Variants in TRIM56 observed in about 807,000 individuals in gnomAD.
TRIM56 encodes tripartite motif containing 56.
In TRIM56, 10 loss-of-function variants were observed where a neutral mutation model predicts 17.1. The observed-to-expected ratio is 0.58, with a 90% confidence interval of 0.36 to 0.99. The LOEUF (loss-of-function observed/expected upper bound fraction) is 0.99, where lower values mean the gene tolerates loss of function less well. TRIM56 is among the 50% of genes least tolerant of loss of function. The pLI is 0.01. For missense variants in TRIM56, 923 were observed against 1,052.3 expected, an observed-to-expected ratio of 0.88 and a Z score of 1.70; for synonymous variants, 503 against 473.5, an observed-to-expected ratio of 1.06 and a Z score of -0.81.
Position 101,088,780 on chromosome 7 carries a change from A to C in TRIM56, c.1468A>C (p.Arg490=), listed in dbSNP as rs748280752. 1.7e-5 allele frequency: 27 copies of C among 1,613,912 alleles called. 1 individual carries two copies. The Middle Eastern group carries it at 1.5e-3, about 89-fold the overall frequency. The change falls in exon 3 of 3, where the codon AGA becomes CGA. Residue 490 remains arginine (R), a synonymous_variant. Transcript: ENST00000306085. ...PNLDGSGLLP[R]PIFYCSFPTR... ...TCTGGACGGCTCTGGCCTCCTCCCC[A>C]GACCCATCTTTTACTGCAGTTTCCC... is the stretch of plus-strand genomic sequence containing the variant.
rs1161136642 is a variant in TRIM56, at chr7:101,094,795, T to C, written c.*5215T>C. Reference sequence around the variant, plus strand: ...CAAGTGGAGTTTCTACAGGACCAACTAGAATAGGGATCAGCTACATGGGGG... The same window carrying C: ...CAAGTGGAGTTTCTACAGGACCAACCAGAATAGGGATCAGCTACATGGGGG... On this transcript the variant is annotated 3_prime_UTR_variant, in exon 3 of 3. Transcript: ENST00000306085. The C allele has an allele frequency of 1.2e-4, 13 of 107,364 alleles. No individual in the cohort carries two copies. The highest frequency in any genetic ancestry group is 4.8e-4 in the African/African-American group (13 of 27,232). The allele number at this position is 107,364 out of a possible 1,614,324, so 6.7% of individuals were successfully genotyped here.
Position 101,087,669 on chromosome 7 carries a change from G to A in TRIM56, c.357G>A (p.Arg119=), listed in dbSNP as rs750639886. 1 of 1,601,220 alleles carries A rather than the reference G, an allele frequency of 6.2e-7. No individual in the cohort carries two copies. The highest frequency in any genetic ancestry group is 1.7e-5 in the Admixed American group (1 of 58,628). ...GTSTGGPATA[R]CLDCADDLCQ... ...GCACCGGGGGGCCGGCCACGGCCCGGTGCCTGGACTGTGCCGATGACTTGT... is the reference window on the plus strand; with the variant it reads ...GCACCGGGGGGCCGGCCACGGCCCGATGCCTGGACTGTGCCGATGACTTGT... Residue 119 remains arginine (R), a synonymous_variant, in exon 3 of 3, where the codon CGG becomes CGA. Coordinates refer to ENST00000306085, the MANE Select transcript of TRIM56 (RefSeq NM_030961.3).
chr7:101,088,061 G>A lies in TRIM56; in HGVS notation c.749G>A (p.Arg250Gln), dbSNP rs1218553368. Residue 250 changes from arginine to glutamine, a missense_variant, in exon 3 of 3, where the codon CGG (arginine) becomes CAG (glutamine). Coordinates refer to ENST00000306085, the MANE Select transcript of TRIM56 (RefSeq NM_030961.3). ...GCCCGGCTGCGGGAGCAGGCGGCCC[G>A]GGTGGGGACTCAGGTGGAGGAGGCG... is the stretch of plus-strand genomic sequence containing the variant. ...ALARLREQAA[R>Q]VGTQVEEAAE... 6 of 1,529,636 alleles carry A rather than the reference G, an allele frequency of 3.9e-6. No homozygotes were observed. Among genetic ancestry groups the A allele is most frequent in the Admixed American group, 2.0e-5 (1 of 50,746 alleles). The allele number at this position is 1,529,636 out of a possible 1,614,324, so 94.8% of individuals were successfully genotyped here.
In TRIM56 at chr7:101,097,816, T is replaced by G. The variant is rs1224972503; in HGVS notation, c.*8236T>G. 1.3e-5 allele frequency: 2 copies of G among 152,206 alleles called. No homozygotes were observed. Among genetic ancestry groups the G allele is most frequent in the East Asian group, 3.9e-4 (2 of 5,190 alleles). The allele number at this position is 152,206 out of a possible 1,614,324, so 9.4% of individuals were successfully genotyped here. On this transcript the variant is annotated 3_prime_UTR_variant, in exon 3 of 3. Transcript: ENST00000306085. ...CTACATTGCCATGGGCTAAACCCAG[T>G]GTGCTGTAAACTCTTCAGTTCCTTT...
At position 101,091,500 on chromosome 7, in the gene TRIM56, G is replaced by A. The variant is rs1480981687; in HGVS notation, c.*1920G>A. 1 of 281,146 alleles carries A rather than the reference G, an allele frequency of 3.6e-6. No homozygotes were observed. Among genetic ancestry groups the A allele is most frequent in the African/African-American group, 2.3e-5 (1 of 43,038 alleles). 17.4% of individuals were successfully genotyped at this position (281,146 alleles called of 1,614,324 possible). A position where few individuals can be genotyped will look rare whatever the true frequency, so the allele number is the denominator to read the frequency against. ...CCAGCACTCTGGGAGGCTGGGGTGG[G>A]TGGATCACTCAAGGTCAGGAGTTCG... On this transcript the variant is annotated 3_prime_UTR_variant, in exon 3 of 3. Coordinates refer to ENST00000306085, the MANE Select transcript of TRIM56 (RefSeq NM_030961.3).
chr7:101,086,650 G>A (rs1795454021), intron 1 of TRIM56: 1 of 152,440 alleles, frequency 6.6e-6, no homozygotes, highest in Non-Finnish European at 1.5e-5. Context: ...AGGAGTTTGA[G>A]GCTGCAGTGA....
At position 101,088,292 on chromosome 7, in the gene TRIM56, C is replaced by T. The variant is rs759218781; in HGVS notation, c.980C>T (p.Ala327Val). Residue 327 changes from alanine (A) to valine (V), a missense_variant, in exon 3 of 3, where the codon GCG (alanine) becomes GTG (valine). Around this residue, in one of 3 missense-constraint regions of TRIM56, gnomAD observed 643 missense variants for 665.6 expected, o/e 0.97. Coordinates refer to ENST00000306085, the MANE Select transcript of TRIM56 (RefSeq NM_030961.3). ...REAEILSLEG[A>V]IAQRLRQLQG... ...GCCGAGATCCTCTCCCTGGAAGGGG[C>T]GATCGCACAGCGGCTCAGGCAGCTG... is the stretch of plus-strand genomic sequence containing the variant. 5.9e-6 allele frequency: 9 copies of T among 1,522,236 alleles called. No individual in the cohort carries two copies. Among genetic ancestry groups the T allele is most frequent in the East Asian group, 4.6e-5 (2 of 43,780 alleles). The allele number at this position is 1,522,236 out of a possible 1,614,324, so 94.3% of individuals were successfully genotyped here.
Position 101,094,272 on chromosome 7 carries a change from A to G in TRIM56, c.*4692A>G, listed in dbSNP as rs2116544288. 6.6e-6 allele frequency: 1 copy of G among 152,356 alleles called. No individual in the cohort carries two copies. Among genetic ancestry groups the G allele is most frequent in the East Asian group, 1.9e-4 (1 of 5,192 alleles). 9.4% of individuals were successfully genotyped at this position (152,356 alleles called of 1,614,324 possible). On this transcript the variant is annotated 3_prime_UTR_variant, in exon 3 of 3. Coordinates refer to ENST00000306085, the MANE Select transcript of TRIM56 (RefSeq NM_030961.3). ...ATTATGATCAAATAGTGATAGTAAC[A>G]AGGAAAACATCTGTCTAAATAATTA...
chr7:101,089,756 G>T lies in TRIM56; in HGVS notation c.*176G>T, dbSNP rs1156713513. ...CTAGTGTGTGAGAATAGGGACCAAG[G>T]TGGTGGCGTGACCTTAACTCTCAGA... On this transcript the variant is annotated 3_prime_UTR_variant, in exon 3 of 3. Transcript: ENST00000306085. 1 of 607,654 alleles carries T rather than the reference G, an allele frequency of 1.6e-6. No individual in the cohort carries two copies. The highest frequency in any genetic ancestry group is 2.9e-5 in the East Asian group (1 of 34,582). 37.6% of individuals were successfully genotyped at this position (607,654 alleles called of 1,614,324 possible). A position where few individuals can be genotyped will look rare whatever the true frequency, so the allele number is the denominator to read the frequency against.
chr7:101,086,107 GACAGGTGT>G (rs1795444605), intron 1 of TRIM56, among the ~76,000 whole-genome samples: 1 of 152,210 alleles, frequency 6.6e-6, no homozygotes, highest in Non-Finnish European at 1.5e-5. Context: ...TCTAGCAGAA[GACAGGTGT>G]AAGGCCAGGC....
In TRIM56 at chr7:101,087,719, G is replaced by A. The variant is rs1414315381; in HGVS notation, c.407G>A (p.Arg136His). ...DLCQACADGH[R>H]CTRQTHTHRV... ...TGCCAGGCCTGTGCCGACGGGCACC[G>A]CTGCACCCGCCAGACCCACACCCAC... Residue 136 changes from arginine (R) to histidine (H), a missense_variant, in exon 3 of 3, where the codon CGC becomes CAC. Physicochemically the swap from Arg to His is conservative, Grantham distance 29 (BLOSUM62 0). Around this residue, in one of 3 missense-constraint regions of TRIM56, gnomAD observed 643 missense variants for 665.6 expected, o/e 0.97. Coordinates refer to ENST00000306085, the MANE Select transcript of TRIM56 (RefSeq NM_030961.3). The A allele has an allele frequency of 6.3e-6, 10 of 1,587,104 alleles. No individual in the cohort carries two copies. The East Asian group carries it at 6.7e-5, about 11-fold the overall frequency.
In TRIM56 at chr7:101,096,302, G is replaced by A. The variant is rs1403481235; in HGVS notation, c.*6722G>A. 6.6e-6 allele frequency: 1 copy of A among 152,206 alleles called. No individual in the cohort carries two copies. Among genetic ancestry groups the A allele is most frequent in the Admixed American group, 6.5e-5 (1 of 15,274 alleles). The allele number at this position is 152,206 out of a possible 1,614,324, so 9.4% of individuals were successfully genotyped here. A position where few individuals can be genotyped will look rare whatever the true frequency, so the allele number is the denominator to read the frequency against. ...ATTGTGACAATTAACTTGATAAATT[G>A]TTCCTTTTCCTGTTCGGAACTGACT... is the stretch of plus-strand genomic sequence containing the variant. On this transcript the variant is annotated 3_prime_UTR_variant, in exon 3 of 3. Coordinates refer to ENST00000306085, the MANE Select transcript of TRIM56 (RefSeq NM_030961.3).
Position 101,089,091 on chromosome 7 carries a change from G to C in TRIM56, c.1779G>C (p.Ala593=). The change falls in exon 3 of 3, where the codon GCG becomes GCC. Residue 593 remains alanine, a synonymous_variant. Coordinates refer to ENST00000306085, the MANE Select transcript of TRIM56 (RefSeq NM_030961.3). ...RALSLSQASH[A]VAALPSGDRV... ...TGAGCCTCTCCCAGGCCAGCCACGC[G>C]GTGGCGGCACTGCCTAGCGGGGACC... 1 of 1,598,950 alleles carries C rather than the reference G, an allele frequency of 6.3e-7. No individual in the cohort carries two copies. The highest frequency in any genetic ancestry group is 1.3e-5 in the African/African-American group (1 of 74,840).
rs1008370070 is a variant in TRIM56 at position 101,087,709 on chromosome 7, G to A, written c.397G>A (p.Asp133Asn). The stretch of plus-strand genomic sequence containing the variant: ...CGATGACTTGTGCCAGGCCTGTGCC[G>A]ACGGGCACCGCTGCACCCGCCAGAC... ...CADDLCQACA[D>N]GHRCTRQTHT... Residue 133 changes from aspartate to asparagine, a missense_variant, in exon 3 of 3, where the codon GAC becomes AAC. Transcript: ENST00000306085. The A allele has an allele frequency of 8.8e-6, 14 of 1,586,328 alleles. No individual in the cohort carries two copies. Among genetic ancestry groups the A allele is most frequent in the Middle Eastern group, 1.7e-4 (1 of 5,848 alleles).
At position 101,091,708 on chromosome 7, in the gene TRIM56, C is replaced by A; in HGVS notation, c.*2128C>A. The A allele has an allele frequency of 2.2e-6, 1 of 449,168 alleles. No individual in the cohort carries two copies. The highest frequency in any genetic ancestry group is 1.6e-5 in the South Asian group (1 of 63,942). The allele number at this position is 449,168 out of a possible 1,614,324, so 27.8% of individuals were successfully genotyped here. Reference sequence around the variant, plus strand: ...CACCATTGCACTCCAGCCTGGGTAACAAGAATGAAACTCCATCTCAAAAAA... The same window carrying A: ...CACCATTGCACTCCAGCCTGGGTAAAAAGAATGAAACTCCATCTCAAAAAA... On this transcript the variant is annotated 3_prime_UTR_variant, in exon 3 of 3. Transcript: ENST00000306085.
Position 101,097,334 on chromosome 7 carries a change from T to A in TRIM56, c.*7754T>A, listed in dbSNP as rs1795666097. ...TCTGTATTGGGGAGAAGGTCTTGGA[T>A]GAACTGGGGCAGAGAACTGCCAGAG... is the stretch of plus-strand genomic sequence containing the variant. On this transcript the variant is annotated 3_prime_UTR_variant, in exon 3 of 3. Coordinates refer to ENST00000306085, the MANE Select transcript of TRIM56 (RefSeq NM_030961.3). The A allele has an allele frequency of 6.6e-6, 1 of 152,082 alleles. No homozygotes were observed. 9.4% of individuals were successfully genotyped at this position (152,082 alleles called of 1,614,324 possible). A position where few individuals can be genotyped will look rare whatever the true frequency, so the allele number is the denominator to read the frequency against.
At chr7:101,086,113 T>A (rs908184534) in intron 1 of TRIM56, among the ~76,000 whole-genome samples, 1 of 152,102 alleles carries the variant, frequency 6.6e-6, no homozygotes, top group Non-Finnish European at 1.5e-5. Flanking sequence ...AGAAGACAGG[T>A]GTAAGGCCAG....
At position 101,088,668 on chromosome 7, in the gene TRIM56, C is replaced by G. The variant is rs61730717; in HGVS notation, c.1356C>G (p.His452Gln). 2.0e-3 allele frequency: 3,276 copies of G among 1,614,072 alleles called. 5 individuals are homozygous for G. Among genetic ancestry groups the G allele is most frequent in the Non-Finnish European group, 2.6e-3 (3,033 of 1,179,956 alleles). ...ACGAGGATGGAGGACCCCAGCCCCA[C>G]AGGGGTGGCAGACCCAACAAGAAGA... Reference protein sequence around the residue: ...TPHEDGGPQPHRGGRPNKKKK... With the variant: ...TPHEDGGPQPQRGGRPNKKKK... Residue 452 changes from histidine (H) to glutamine (Q), a missense_variant, in exon 3 of 3, where the codon CAC becomes CAG. Physicochemically the swap from His to Gln is conservative, Grantham distance 24. This residue lies in a region of TRIM56 where 643 missense variants were observed against 665.6 expected (regional missense o/e 0.97). Transcript: ENST00000306085.
chr7:101,088,022 A>T lies in TRIM56; in HGVS notation c.710A>T (p.Glu237Val). The T allele has an allele frequency of 6.4e-7, 1 of 1,564,828 alleles. No homozygotes were observed. The highest frequency in any genetic ancestry group is 2.3e-5 in the East Asian group (1 of 43,324). The part of the protein sequence containing the change: ...LVELEAARRV[E>V]KEALARLREQ... ...GAGCTGGAGGCAGCGCGGAGGGTGG[A>T]GAAGGAGGCGCTAGCCCGGCTGCGG... Residue 237 changes from glutamate (E) to valine (V), a missense_variant, in exon 3 of 3, where the codon GAG becomes GTG. Transcript: ENST00000306085.
Sources: gnomAD v4.1 joint callset for allele counts (sites outside exome capture counted in the v4.1 genomes callset) on GRCh38, gnomAD v4.1.1 for gene constraint, gnomAD v4.1.1 regional missense constraint, MANE v1.5 for transcripts, NCBI Gene and HGNC (gene_info 2026-07-23, HGNC 2026-07-21) for gene names.